The following TANC2 variants were observed in gnomAD, a reference collection of about 807,000 sequenced individuals.
TANC2 encodes the protein tetratricopeptide repeat, ankyrin repeat and coiled-coil containing 2.
Under a neutral mutation model 210.5 loss-of-function variants are expected in TANC2, and 26 were observed. The observed-to-expected ratio is 0.12, with a 90% CI of 0.09 to 0.17. TANC2 has a LOEUF of 0.17. Among genes scored for constraint, TANC2 ranks in the 10% least tolerant of loss-of-function variants. The pLI, the probability that TANC2 is intolerant of heterozygous loss-of-function variation, is 1.00. For synonymous variants in TANC2, 931 were observed against 967.1 expected, an observed-to-expected ratio of 0.96 and a Z score of 0.69; for missense variants, 2,129 against 2,608.9, an observed-to-expected ratio of 0.82 and a Z score of 4.01.
rs1422917530 is a variant in TANC2, at chr17:63,326,134, A to G, written c.1575+7044A>G. On this transcript the variant is annotated intron_variant, in intron 11 of 27. Coordinates refer to ENST00000689528, the Ensembl canonical transcript of TANC2. Reference sequence around the variant, plus strand: ...AACAACAGGGCTCTGACTACGAGCCATTGAGGCATACTGTAAAGCCTAAAT... The same window carrying G: ...AACAACAGGGCTCTGACTACGAGCCGTTGAGGCATACTGTAAAGCCTAAAT... 3.3e-5 allele frequency among the ~76,000 whole-genome samples: 5 copies of G among 152,224 alleles called. No individual in the cohort carries two copies. The East Asian group carries it at 9.6e-4, about 29-fold the overall frequency.
At chr17:63,255,190 C>T (rs2043158793) in intron 8 of TANC2, among the ~76,000 whole-genome samples, 1 of 151,778 alleles carries the variant, frequency 6.6e-6, no homozygotes, top group South Asian at 2.1e-4. Context: ...CTGCAAGCTC[C>T]ACCTCCCGGG....
At chr17:63,129,707 G>C (rs991246271) in intron 4 of TANC2, among the ~76,000 whole-genome samples, 5 of 151,938 alleles carry the variant, frequency 3.3e-5, no homozygotes, top group South Asian at 2.1e-4. Flanking sequence ...CTGTTGTAAT[G>C]ATGAGTCCAA....
At chr17:63,333,581 G>A (rs977833556) in intron 11 of TANC2, among the ~76,000 whole-genome samples, 2 of 152,152 alleles carry the variant, frequency 1.3e-5, no homozygotes, top group African/African-American at 4.8e-5. Context: ...AACAATAAGG[G>A]ATTTAGAATA....
At chr17:63,257,335 G>A (rs562436858) in intron 8 of TANC2, among the ~76,000 whole-genome samples, 7 of 151,558 alleles carry the variant, frequency 4.6e-5, no homozygotes, top group African/African-American at 9.7e-5. Flanking sequence ...TGAGATTACC[G>A]TGAAGCTTGC....
At chr17:63,084,039 A>G (rs530422141) in intron 3 of TANC2, among the ~76,000 whole-genome samples, 1 of 152,302 alleles carries the variant, frequency 6.6e-6, no homozygotes, top group East Asian at 1.9e-4. Flanking sequence ...ACCTTTTGAA[A>G]AAGATTGTAG....
intron 2 of TANC2, among the ~76,000 whole-genome samples, chr17:63,012,705 G>C (rs912080124): frequency 3.9e-5 from 6 of 152,156 alleles, no homozygotes; most frequent in African/African-American, 1.4e-4. Flanking sequence ...AGGCTACAAT[G>C]CAGTGGCACT....
chr17:63,210,354 C>G (rs1198955418), intron 7 of TANC2, among the ~76,000 whole-genome samples: 1 of 152,216 alleles, frequency 6.6e-6, no homozygotes, highest in Non-Finnish European at 1.5e-5. Context: ...AATAATCACA[C>G]AAACCAAATC....
At chr17:63,227,112 A>G (rs1449050583) in intron 7 of TANC2, among the ~76,000 whole-genome samples, 1 of 152,182 alleles carries the variant, frequency 6.6e-6, no homozygotes, top group East Asian at 1.9e-4. Flanking sequence ...CTTTGGGTAT[A>G]TACCCAGTAA....
intron 1 of TANC2, among the ~76,000 whole-genome samples, chr17:62,988,821 C>A (rs2032708348): frequency 6.6e-6 from 1 of 152,056 alleles, no homozygotes; most frequent in African/African-American, 2.4e-5. Context: ...AGAAGACAAA[C>A]CAGTACTAGC....
chr17:63,166,911 GCAGTT>G (rs1240190342), intron 5 of TANC2, among the ~76,000 whole-genome samples: 2 of 152,120 alleles, frequency 1.3e-5, no homozygotes, highest in African/African-American at 4.8e-5. Context: ...TGGTAGGTCT[GCAGTT>G]CAGTTAAGGG....
At chr17:63,374,244 C>T (rs567269964) in intron 14 of TANC2, among the ~76,000 whole-genome samples, 1 of 152,058 alleles carries the variant, frequency 6.6e-6, no homozygotes, top group South Asian at 2.1e-4. Context: ...TGCTTTGTTA[C>T]CCAGGCTAGT....
chr17:63,294,436 C>T (rs561280685), intron 9 of TANC2, among the ~76,000 whole-genome samples: 5 of 151,980 alleles, frequency 3.3e-5, no homozygotes, highest in South Asian at 2.1e-4. Context: ...ATCACACCAC[C>T]GCACTCCATC....
chr17:63,126,496 C>A (rs751321111), intron 4 of TANC2, among the ~76,000 whole-genome samples: 2 of 152,076 alleles, frequency 1.3e-5, no homozygotes, highest in Admixed American at 6.5e-5. Context: ...GCAACCTCCA[C>A]CTCCTGGGTT....
intron 8 of TANC2, among the ~76,000 whole-genome samples, chr17:63,248,206 C>T (rs906532464): frequency 6.6e-6 from 1 of 152,058 alleles, no homozygotes; most frequent in Non-Finnish European, 1.5e-5. Flanking sequence ...CTTTCCTTTC[C>T]TTTCTAATGG....
chr17:63,221,485 T>C (rs1010782937), intron 7 of TANC2, among the ~76,000 whole-genome samples: 1 of 148,080 alleles, frequency 6.8e-6, no homozygotes, highest in Non-Finnish European at 1.5e-5. Flanking sequence ...AGGGAAATTA[T>C]AGATGAAGAG....
intron 2 of TANC2, among the ~76,000 whole-genome samples, chr17:63,041,415 C>T (rs1221260480): frequency 6.6e-6 from 1 of 152,112 alleles, no homozygotes; most frequent in Non-Finnish European, 1.5e-5. Context: ...CAAGATACAG[C>T]AGCCTCGAAA....
chr17:63,042,747 G>A (rs1234115393), intron 2 of TANC2, among the ~76,000 whole-genome samples: 2 of 152,078 alleles, frequency 1.3e-5, no homozygotes, highest in East Asian at 3.8e-4. Context: ...TATTGTTTAT[G>A]AATCGTTCAG....
At chr17:63,355,969 G>C (rs1006324262) in intron 14 of TANC2, among the ~76,000 whole-genome samples, 1 of 152,028 alleles carries the variant, frequency 6.6e-6, no homozygotes, top group Non-Finnish European at 1.5e-5. Flanking sequence ...TCTCCATTTT[G>C]CTATAAAGGC....
intron 5 of TANC2, among the ~76,000 whole-genome samples, chr17:63,181,023 C>CAAAAAA (rs1171748208): frequency 6.5e-5 from 2 of 30,670 alleles, no homozygotes; most frequent in Admixed American, 6.0e-4. Context: ...GACTCCATCT[C>CAAAAAA]AAAAAAAAAA....
Sources: allele counts gnomAD v4.1 joint callset (sites outside exome capture counted in the v4.1 genomes callset), GRCh38; gene constraint gnomAD v4.1.1; transcripts MANE v1.5; gene names NCBI Gene and HGNC (gene_info 2026-07-23, HGNC 2026-07-21).